Variants in DCBLD2 observed in about 807,000 individuals in gnomAD.
DCBLD2 encodes the protein discoidin, CUB and LCCL domain-containing protein 2.
DCBLD2 carries 54 observed loss-of-function variants against 86.8 expected under a neutral mutation model. That is an observed-to-expected ratio of 0.62 (90% CI 0.50 to 0.78). The LOEUF (loss-of-function observed/expected upper bound fraction) is 0.78, where lower values mean the gene tolerates loss of function less well. DCBLD2 is among the 30% of genes least tolerant of loss of function. The probability of loss-of-function intolerance (pLI) is 0.00; values close to 1 mark genes in which losing one functional copy is unlikely to be tolerated. For missense variants in DCBLD2, 908 were observed against 954.2 expected, an observed-to-expected ratio of 0.95 and a Z score of 0.64; for synonymous variants, 354 against 341.3, an observed-to-expected ratio of 1.04 and a Z score of -0.41.
intron 1 of DCBLD2, among the ~76,000 whole-genome samples, chr3:98,893,541 T>C (rs1056324433): frequency 3.9e-5 from 6 of 152,042 alleles, no homozygotes; most frequent in African/African-American, 1.4e-4. Flanking sequence ...GGTTAAAAAA[T>C]AAATTAACAA....
At chr3:98,879,256 T>C (rs1471557599) in intron 2 of DCBLD2, among the ~76,000 whole-genome samples, 5 of 152,190 alleles carry the variant, frequency 3.3e-5, no homozygotes, top group Non-Finnish European at 7.4e-5. Context: ...TACTTAAACA[T>C]AAATCCTAGA....
chr3:98,831,710 C>T (rs1029484765), intron 3 of DCBLD2, among the ~76,000 whole-genome samples: 2 of 152,180 alleles, frequency 1.3e-5, no homozygotes, highest in Non-Finnish European at 2.9e-5. Context: ...TCATTATTTA[C>T]TCCAAAGTTA....
rs569179647 is a variant in DCBLD2, at chr3:98,882,438, A to T, written c.206-671T>A. Reference sequence around the variant, plus strand: ...GAAGCTCTTTTTTTTTTAACTTTTTAAAAATTATACAAGTTCTGGGGTACA... The same window carrying T: ...GAAGCTCTTTTTTTTTTAACTTTTTTAAAATTATACAAGTTCTGGGGTACA... On this transcript the variant is annotated intron_variant, in intron 1 of 15. Coordinates refer to ENST00000326840, the MANE Select transcript of DCBLD2 (RefSeq NM_080927.4). 3.2e-3 allele frequency among the ~76,000 whole-genome samples: 489 copies of T among 152,160 alleles called. 3 individuals carry two copies. Among genetic ancestry groups the T allele is most frequent in the African/African-American group, 8.3e-3 (344 of 41,528 alleles).
chr3:98,801,171 C>T (rs1000839640), intron 14 of DCBLD2: 3 of 241,200 alleles, frequency 1.2e-5, no homozygotes, highest in Non-Finnish European at 2.4e-5. Context: ...CAGAAGATGA[C>T]AACTCATCAT....
intron 13 of DCBLD2, chr3:98,805,047 C>T (rs539606645): frequency 1.3e-5 from 2 of 152,462 alleles, no homozygotes; most frequent in South Asian, 4.1e-4. Context: ...TTCTCTGTGT[C>T]GTTCCAATGT....
chr3:98,864,278 T>C (rs564920254), intron 2 of DCBLD2, among the ~76,000 whole-genome samples: 28 of 152,230 alleles, frequency 1.8e-4, no homozygotes, highest in Non-Finnish European at 3.5e-4. Context: ...TGTTAAACCA[T>C]TGTAGAAGAC....
At chr3:98,849,060 T>C (rs1012625728) in intron 3 of DCBLD2, among the ~76,000 whole-genome samples, 2 of 151,672 alleles carry the variant, frequency 1.3e-5, no homozygotes, top group African/African-American at 4.8e-5. Flanking sequence ...TCCCAGCTAC[T>C]CAGGAGGCTG....
chr3:98,887,565 A>G (rs1943584443), intron 1 of DCBLD2, among the ~76,000 whole-genome samples: 1 of 152,046 alleles, frequency 6.6e-6, no homozygotes, highest in South Asian at 2.1e-4. Flanking sequence ...TGAAATTAAT[A>G]CAGTGACTCC....
In DCBLD2 at chr3:98,849,592, T is replaced by G. The variant is rs777148523; in HGVS notation, c.440A>C (p.Tyr147Ser). The G allele has an allele frequency of 4.4e-6, 7 of 1,608,932 alleles. No homozygotes were observed. Among genetic ancestry groups the G allele is most frequent in the Non-Finnish European group, 6.0e-6 (7 of 1,176,066 alleles). Reference protein sequence around the residue: ...IGVSRTEIGKYCGLGLQMNHS... With the variant: ...IGVSRTEIGKSCGLGLQMNHS... ...GTTCATTTGCAACCCCAGACCACAG[T>G]ATTTGCCTAGGAATGAAAGAAAAGC... The change falls in exon 3 of 16, where the codon TAC becomes TCC. Residue 147 changes from tyrosine to serine, a missense_variant. Around this residue, in one of 3 missense-constraint regions of DCBLD2, gnomAD observed 294 missense variants for 256.0 expected, o/e 1.15. Transcript: ENST00000326840.
intron 2 of DCBLD2, among the ~76,000 whole-genome samples, chr3:98,851,476 T>C (rs544050847): frequency 6.6e-6 from 1 of 152,160 alleles, no homozygotes; most frequent in Non-Finnish European, 1.5e-5. Context: ...TGCTCGTGGA[T>C]AGGAAGAATC....
Position 98,901,403 on chromosome 3 carries a change from A to G in DCBLD2, c.-77T>C. On this transcript the variant is annotated 5_prime_UTR_variant, in exon 1 of 16. Coordinates refer to ENST00000326840, the MANE Select transcript of DCBLD2 (RefSeq NM_080927.4). ...GCGCCTCTGGCCGCGGCACCCGACC[A>G]GGAGACGGCGGCAGCGGCGGGAGAA... is the stretch of plus-strand genomic sequence containing the variant. 1.6e-6 allele frequency: 2 copies of G among 1,245,706 alleles called. No homozygotes were observed. The highest frequency in any genetic ancestry group is 2.0e-6 in the Non-Finnish European group (2 of 996,166). 77.2% of individuals were successfully genotyped at this position (1,245,706 alleles called of 1,614,324 possible). A position where few individuals can be genotyped will look rare whatever the true frequency, so the allele number is the denominator to read the frequency against.
rs1032192439 is a variant in DCBLD2, at chr3:98,796,249, C to A, written c.*3123G>T. 6.6e-6 allele frequency: 1 copy of A among 152,024 alleles called. No individual in the cohort carries two copies. Among genetic ancestry groups the A allele is most frequent in the African/African-American group, 2.4e-5 (1 of 41,244 alleles). 9.4% of individuals were successfully genotyped at this position (152,024 alleles called of 1,614,324 possible). ...CTTTTCCCAGTGCCACACACACACACACAAAAACAAAACAAAACAAAAAAA... is the reference window on the plus strand; with the variant it reads ...CTTTTCCCAGTGCCACACACACACAAACAAAAACAAAACAAAACAAAAAAA... On this transcript the variant is annotated 3_prime_UTR_variant, in exon 16 of 16. Coordinates refer to ENST00000326840, the MANE Select transcript of DCBLD2 (RefSeq NM_080927.4).
intron 13 of DCBLD2, among the ~76,000 whole-genome samples, chr3:98,805,491 A>G (rs989739687): frequency 6.6e-6 from 1 of 152,218 alleles, no homozygotes; most frequent in Non-Finnish European, 1.5e-5. Flanking sequence ...CATAAGTGAC[A>G]AAGCTTCTGG....
At position 98,825,412 on chromosome 3, in the gene DCBLD2, T is replaced by A. The variant is rs773156250; in HGVS notation, c.572-46A>T. The A allele has an allele frequency of 2.2e-6, 3 of 1,378,312 alleles. No homozygotes were observed. In the Middle Eastern group the frequency reaches 5.3e-4, roughly 244 times the overall value. The allele number at this position is 1,378,312 out of a possible 1,614,324, so 85.4% of individuals were successfully genotyped here. On this transcript the variant is annotated intron_variant, in intron 3 of 15. Transcript: ENST00000326840. ...AACTGATTCCATTAATATACAGGATTACCTTGCTGAAACTCCAAGTGTCTC... is the reference window on the plus strand; with the variant it reads ...AACTGATTCCATTAATATACAGGATAACCTTGCTGAAACTCCAAGTGTCTC...
intron 2 of DCBLD2, among the ~76,000 whole-genome samples, chr3:98,864,830 G>A (rs1262427927): frequency 2.0e-5 from 3 of 152,010 alleles, no homozygotes; most frequent in Non-Finnish European, 4.4e-5. Flanking sequence ...CTGTGCACAC[G>A]TATCCTAGAA....
At chr3:98,861,235 G>C (rs536653280) in intron 2 of DCBLD2, among the ~76,000 whole-genome samples, 1 of 152,308 alleles carries the variant, frequency 6.6e-6, no homozygotes, top group South Asian at 2.1e-4. Flanking sequence ...CAAGTCCTTA[G>C]AGATCTACAA....
chr3:98,880,746 G>T (rs1020303275), intron 2 of DCBLD2, among the ~76,000 whole-genome samples: 1 of 151,920 alleles, frequency 6.6e-6, no homozygotes, highest in African/African-American at 2.4e-5. Flanking sequence ...TTCATTCCCT[G>T]TATTTTTTAC....
intron 1 of DCBLD2, among the ~76,000 whole-genome samples, chr3:98,892,885 G>A (rs1314454990): frequency 1.1e-4 from 17 of 152,276 alleles, no homozygotes; most frequent in Admixed American, 5.9e-4. Context: ...AATGATCTGA[G>A]ATGGTGGGGA....
chr3:98,901,152 GGAGCAGGACAAGTAA>G lies in DCBLD2; in HGVS notation c.160_174del (p.Val56_Leu60del). 1 of 1,536,024 alleles carries G rather than the reference GGAGCAGGACAAGTAA, an allele frequency of 6.5e-7. No homozygotes were observed. ...TGGGCTCCAGCGTCCTCGAGCAGCA[GGAGCAGGACAAGTAA>G]GAGCAGGAGGAACAGAGGCATGGAG... On this transcript the variant is annotated inframe_deletion, in exon 1 of 16. Transcript: ENST00000326840.
Sources: gnomAD v4.1 joint callset for allele counts (sites outside exome capture counted in the v4.1 genomes callset) on GRCh38, gnomAD v4.1.1 for gene constraint, gnomAD v4.1.1 regional missense constraint, MANE v1.5 for transcripts, NCBI Gene and HGNC (gene_info 2026-07-23, HGNC 2026-07-21) for gene names.